The following TMEM131 variants were observed in gnomAD, a reference collection of about 807,000 sequenced individuals.
TMEM131 encodes the protein 2610524E03Rik.
Under a neutral mutation model 211.6 loss-of-function variants are expected in TMEM131, and 66 were observed. The ratio of observed to expected loss-of-function variants is 0.31; its 90% CI spans 0.26 to 0.38. The LOEUF (loss-of-function observed/expected upper bound fraction) is 0.38, where lower values mean the gene tolerates loss of function less well. Ranked by LOEUF, TMEM131 falls within the 10% of genes least tolerant of loss-of-function variation. The pLI, the probability that TMEM131 is intolerant of heterozygous loss-of-function variation, is 1.00. For missense variants in TMEM131, 2,036 were observed against 2,299.3 expected (o/e 0.89, Z 2.34); for synonymous variants, 844 against 841.3 (o/e 1.00, Z -0.06).
chr2:97,876,927 T>C (rs926968894), intron 4 of TMEM131, among the ~76,000 whole-genome samples: 4 of 152,170 alleles, frequency 2.6e-5, no homozygotes, highest in Admixed American at 1.3e-4. Context: ...TGTTTGCAGA[T>C]GAAATGATGA....
chr2:97,929,826 T>C (rs1195127654), intron 1 of TMEM131, among the ~76,000 whole-genome samples: 6 of 151,860 alleles, frequency 4.0e-5, no homozygotes, highest in Non-Finnish European at 1.5e-5. Flanking sequence ...TACTTACTGA[T>C]GCAAATGACC....
intron 4 of TMEM131, among the ~76,000 whole-genome samples, chr2:97,872,981 T>C (rs1242239550): frequency 6.6e-6 from 1 of 152,136 alleles, no homozygotes; most frequent in Non-Finnish European, 1.5e-5. Flanking sequence ...CCCAGCAAAC[T>C]AAGATTCACT....
intron 6 of TMEM131, among the ~76,000 whole-genome samples, chr2:97,843,400 A>G (rs1250231579): frequency 6.6e-6 from 1 of 152,176 alleles, no homozygotes; most frequent in Admixed American, 6.6e-5. Flanking sequence ...CAGTGGTGTA[A>G]TCATAGTTCA....
intron 4 of TMEM131, among the ~76,000 whole-genome samples, chr2:97,882,389 A>G (rs1674971714): frequency 6.6e-6 from 1 of 152,228 alleles, no homozygotes; most frequent in Non-Finnish European, 1.5e-5. Flanking sequence ...TTTTGCCAAC[A>G]TAATTAAAGT....
At chr2:97,880,093 C>T (rs1674861597) in intron 4 of TMEM131, among the ~76,000 whole-genome samples, 1 of 152,062 alleles carries the variant, frequency 6.6e-6, no homozygotes, top group African/African-American at 2.4e-5. Flanking sequence ...AAAGTACATT[C>T]ATTATTTGTT....
At chr2:97,857,859 G>A (rs1475868290) in intron 5 of TMEM131, among the ~76,000 whole-genome samples, 3 of 152,072 alleles carry the variant, frequency 2.0e-5, no homozygotes, top group Non-Finnish European at 4.4e-5. Context: ...TATTGTTGGA[G>A]GCTATTATTA....
chr2:97,838,371 C>T (rs551647834), intron 7 of TMEM131, among the ~76,000 whole-genome samples: 1 of 150,906 alleles, frequency 6.6e-6, no homozygotes, highest in Non-Finnish European at 1.5e-5. Context: ...AAGAAGTCCT[C>T]CAGGAGTGAA....
chr2:97,798,846 G>A (rs1460884576), intron 25 of TMEM131, among the ~76,000 whole-genome samples: 1 of 152,012 alleles, frequency 6.6e-6, no homozygotes. Flanking sequence ...GATGGTTGGT[G>A]AGTAATTTCC....
At chr2:97,978,090 G>GA (rs1679622966) in intron 1 of TMEM131, among the ~76,000 whole-genome samples, 2 of 151,864 alleles carry the variant, frequency 1.3e-5, no homozygotes, top group African/African-American at 4.8e-5. Context: ...CGGTCTTGGG[G>GA]AAAAAAATAA....
At position 97,785,887 on chromosome 2, in the gene TMEM131, AC is replaced by A. The variant is rs201694941; in HGVS notation, c.4144+6498del. On this transcript the variant is annotated intron_variant, in intron 31 of 40. Transcript: ENST00000186436. Reference sequence around the variant, plus strand: ...CAGAGAATTAAACTGACTCAGAAAAACCAAAATGGTACATTCCTTTTGGGGA... The same window carrying A: ...CAGAGAATTAAACTGACTCAGAAAAACAAAATGGTACATTCCTTTTGGGGA... Among the ~76,000 whole-genome samples, 369 of 152,300 alleles carry A rather than the reference AC, an allele frequency of 2.4e-3. 5 individuals are homozygous for A. In the East Asian group the frequency reaches 0.026, roughly 11 times the overall value.
chr2:97,941,021 T>G (rs538249728), intron 1 of TMEM131, among the ~76,000 whole-genome samples: 5 of 152,020 alleles, frequency 3.3e-5, no homozygotes, highest in African/African-American at 9.7e-5. Flanking sequence ...GCCAAGACAA[T>G]CCTAAGCCAA....
Position 97,792,589 on chromosome 2 carries a change from T to C in TMEM131, c.3941A>G (p.Gln1314Arg). The change falls in exon 31 of 41, where the codon CAG becomes CGG. Residue 1314 changes from glutamine to arginine, a missense_variant. By Grantham distance (43) the Gln-to-Arg change is conservative. Around this residue, in one of 3 missense-constraint regions of TMEM131, gnomAD observed 1,623 missense variants for 1,805.9 expected, o/e 0.90. Coordinates refer to ENST00000186436, the MANE Select transcript of TMEM131 (RefSeq NM_015348.2). The stretch of plus-strand genomic sequence containing the variant: ...AGACAGCCTTTCAGGCTGCGGCTCC[T>C]GGGGCTGAGGCACTGGCGGTGGCAG... ...PPLPPPVPQPQEPQPERLSPA... is the reference protein window; with the variant it reads ...PPLPPPVPQPREPQPERLSPA... The C allele has an allele frequency of 6.2e-7, 1 of 1,613,128 alleles. No homozygotes were observed. The highest frequency in any genetic ancestry group is 8.5e-7 in the Non-Finnish European group (1 of 1,179,574).
At chr2:97,837,722 ATTGAG>A (rs1192344216) in intron 7 of TMEM131, among the ~76,000 whole-genome samples, 1 of 152,204 alleles carries the variant, frequency 6.6e-6, no homozygotes, top group Admixed American at 6.5e-5. Flanking sequence ...AAACAGCTTT[ATTGAG>A]TTATTTATGT....
At chr2:97,880,975 T>C (rs1050111706) in intron 4 of TMEM131, among the ~76,000 whole-genome samples, 33 of 152,274 alleles carry the variant, frequency 2.2e-4, no homozygotes, top group Middle Eastern at 3.4e-3. Context: ...CCAGGTGCCA[T>C]GCACTCTCCA....
At chr2:97,929,836 C>CT (rs1300325290) in intron 1 of TMEM131, among the ~76,000 whole-genome samples, 1 of 151,740 alleles carries the variant, frequency 6.6e-6, no homozygotes, top group Non-Finnish European at 1.5e-5. Context: ...TGCAAATGAC[C>CT]TTTTTCTGGT....
chr2:97,819,728 C>G (rs1198205755), intron 11 of TMEM131, among the ~76,000 whole-genome samples: 1 of 152,220 alleles, frequency 6.6e-6, no homozygotes, highest in Non-Finnish European at 1.5e-5. Flanking sequence ...AAAAACTTGT[C>G]AAAGCCTGCT....
chr2:97,899,917 T>G (rs940416625), intron 3 of TMEM131, among the ~76,000 whole-genome samples: 2 of 152,122 alleles, frequency 1.3e-5, no homozygotes, highest in African/African-American at 4.8e-5. Context: ...TCTCAGCAAT[T>G]TTCAAGTACA....
At chr2:97,969,517 T>G (rs555091491) in intron 1 of TMEM131, among the ~76,000 whole-genome samples, 85 of 152,334 alleles carry the variant, frequency 5.6e-4, no homozygotes, top group African/African-American at 1.9e-3. Flanking sequence ...AGATGCTAAT[T>G]AATGACACCT....
chr2:97,768,461 TAAG>T (rs140866484), intron 33 of TMEM131, among the ~76,000 whole-genome samples: 16,249 of 152,250 alleles, frequency 0.11, 1,314 homozygotes, highest in Non-Finnish European at 0.16. Context: ...AATTGGTTTT[TAAG>T]AAGAAAGGTG....
Sources: allele counts gnomAD v4.1 joint callset (sites outside exome capture counted in the v4.1 genomes callset), GRCh38; gene constraint gnomAD v4.1.1; regional missense constraint gnomAD v4.1.1; transcripts MANE v1.5; gene names NCBI Gene and HGNC (gene_info 2026-07-23, HGNC 2026-07-21).